SNRPN: variants seen among roughly 807,000 people sequenced by gnomAD.
SNRPN encodes small nuclear ribonucleoprotein polypeptide N, also known as small nuclear ribonucleoprotein-associated protein N.
SNRPN carries 7 observed loss-of-function variants against 25.2 expected under a neutral mutation model. The ratio of observed to expected loss-of-function variants is 0.28; its 90% CI spans 0.16 to 0.52. SNRPN has a LOEUF of 0.52. Among genes scored for constraint, SNRPN ranks in the 20% least tolerant of loss-of-function variants. The probability of loss-of-function intolerance (pLI) is 0.96; values close to 1 mark genes in which losing one functional copy is unlikely to be tolerated. For synonymous variants in SNRPN, 124 were observed against 110.6 expected (o/e 1.12, Z -0.76); for missense variants, 196 against 322.5 (o/e 0.61, Z 3.00).
At chr15:24,972,032 G>C (rs2076474287) in intron 3 of SNRPN, among the ~76,000 whole-genome samples, 1 of 152,078 alleles carries the variant, frequency 6.6e-6, no homozygotes, top group Admixed American at 6.5e-5. Flanking sequence ...GAGGCCGGCA[G>C]GTCACCTGAA....
At chr15:24,826,523 GT>G (rs2050091984) in intron 1 of SNRPN, among the ~76,000 whole-genome samples, 1 of 152,050 alleles carries the variant, frequency 6.6e-6, no homozygotes, top group Admixed American at 6.5e-5. Flanking sequence ...AACCCTGTTA[GT>G]TTTTCTGCAG....
At chr15:24,978,377 T>G (rs2153722914) in intron 9 of SNRPN, 30 bp from the exon 10 acceptor site, 1 of 1,614,034 alleles carries the variant, frequency 6.2e-7, no homozygotes, top group East Asian at 2.2e-5. Flanking sequence ...GTGTATCCTC[T>G]TTTTCTCAAT....
intron 1 of SNRPN, among the ~76,000 whole-genome samples, chr15:24,875,343 T>C (rs1017329693): frequency 2.0e-5 from 3 of 152,222 alleles, no homozygotes; most frequent in Non-Finnish European, 4.4e-5. Flanking sequence ...ACATCAACTA[T>C]GTTAGAATAT....
At chr15:24,967,167 A>G (rs1194609817) in intron 2 of SNRPN, 1 of 152,210 alleles carries the variant, frequency 6.6e-6, no homozygotes, top group Non-Finnish European at 1.5e-5. Context: ...GTGACTATAT[A>G]TGGTACTGAT....
At position 24,955,012 on chromosome 15, in the gene SNRPN, G is replaced by T. The variant is rs749365354; in HGVS notation, c.-441G>T. ...GCAGAGTGGAGCGGCCGCCGGAGAT[G>T]CCTGACGCATCTGTCTGAGGAGCGG... On this transcript the variant is annotated 5_prime_UTR_variant, in exon 1 of 10. An upstream start codon of the reference 5' UTR is lost. Transcript: ENST00000390687. The T allele has an allele frequency of 3.1e-6, 5 of 1,612,142 alleles. No homozygotes were observed. In the South Asian group the frequency reaches 3.3e-5, roughly 11 times the overall value.
intron 2 of SNRPN, among the ~76,000 whole-genome samples, chr15:24,842,624 A>G (rs949006440): frequency 6.6e-6 from 1 of 152,202 alleles, no homozygotes; most frequent in Non-Finnish European, 1.5e-5. Flanking sequence ...CAGGGCAGAG[A>G]GGAACAAACC....
intron 3 of SNRPN, among the ~76,000 whole-genome samples, chr15:24,930,615 G>A (rs999256476): frequency 1.4e-5 from 2 of 138,516 alleles, no homozygotes; most frequent in Admixed American, 1.5e-4. Context: ...AAAAAGTCTG[G>A]GTGCAGTGGC....
intron 2 of SNRPN, among the ~76,000 whole-genome samples, chr15:24,963,864 C>T (rs915743075): frequency 6.6e-6 from 1 of 151,786 alleles, no homozygotes; most frequent in Non-Finnish European, 1.5e-5. Context: ...GAGAGACCTC[C>T]TCTCTACAGA....
intron 1 of SNRPN, among the ~76,000 whole-genome samples, chr15:24,873,128 G>C (rs2055367226): frequency 8.6e-6 from 1 of 116,590 alleles, no homozygotes; most frequent in Non-Finnish European, 1.8e-5. Context: ...ATTTCCATAT[G>C]AATTTTAGAA....
intron 2 of SNRPN, among the ~76,000 whole-genome samples, chr15:24,964,088 G>T (rs1229517687): frequency 1.4e-5 from 2 of 147,338 alleles, no homozygotes; most frequent in South Asian, 2.1e-4. Context: ...TATGGTGAGG[G>T]TAAAGATTTT....
chr15:24,931,866 A>G (rs905587752), intron 3 of SNRPN, among the ~76,000 whole-genome samples: 1 of 143,054 alleles, frequency 7.0e-6, no homozygotes, highest in Admixed American at 7.3e-5. Flanking sequence ...AAAAAAAAAA[A>G]AAGACTTTGC....
intron 2 of SNRPN, among the ~76,000 whole-genome samples, chr15:24,915,508 T>C (rs186845684): frequency 6.6e-6 from 1 of 152,290 alleles, no homozygotes; most frequent in African/African-American, 2.4e-5. Context: ...AGGAGAAGCC[T>C]GAGTAAATTT....
chr15:24,956,001 G>A (rs1204454746), intron 1 of SNRPN, among the ~76,000 whole-genome samples: 4 of 152,190 alleles, frequency 2.6e-5, no homozygotes, highest in Admixed American at 6.5e-5. Flanking sequence ...TGGTCATCTG[G>A]TTTGCCTACT....
At chr15:24,939,438 G>GTATT (rs2061419151) in intron 3 of SNRPN, among the ~76,000 whole-genome samples, 1 of 152,002 alleles carries the variant, frequency 6.6e-6, no homozygotes, top group African/African-American at 2.4e-5. Flanking sequence ...ATATATGTAT[G>GTATT]TATTTATTTA....
intron 1 of SNRPN, among the ~76,000 whole-genome samples, chr15:24,885,689 A>T (rs753935675): frequency 3.3e-5 from 5 of 149,906 alleles, no homozygotes; most frequent in African/African-American, 5.0e-5. Flanking sequence ...GATGAGAACG[A>T]AGGATTTTCC....
chr15:24,878,655 AATTGT>A (rs1219185960), intron 1 of SNRPN, among the ~76,000 whole-genome samples: 17 of 152,276 alleles, frequency 1.1e-4, no homozygotes, highest in South Asian at 8.3e-4. Flanking sequence ...TCCCATGAAA[AATTGT>A]ATTGTATTTC....
intron 2 of SNRPN, among the ~76,000 whole-genome samples, chr15:24,902,865 G>T (rs1170427305): frequency 6.6e-6 from 1 of 152,214 alleles, no homozygotes; most frequent in Non-Finnish European, 1.5e-5. Flanking sequence ...AAGAGCAAAA[G>T]AACAATGCTT....
intron 2 of SNRPN, among the ~76,000 whole-genome samples, chr15:24,844,267 C>T (rs1422551647): frequency 1.3e-5 from 2 of 152,104 alleles, no homozygotes; most frequent in Non-Finnish European, 2.9e-5. Flanking sequence ...CATCTTCCTG[C>T]TGATAATGGC....
chr15:24,959,426 A>G (rs933700268), intron 1 of SNRPN, among the ~76,000 whole-genome samples: 1 of 152,166 alleles, frequency 6.6e-6, no homozygotes, highest in Non-Finnish European at 1.5e-5. Context: ...TGGGAGTTCA[A>G]GCTTGGGTAT....
Sources: gnomAD v4.1 joint callset for allele counts (sites outside exome capture counted in the v4.1 genomes callset) on GRCh38, gnomAD v4.1.1 for gene constraint, MANE v1.5 for transcripts, NCBI Gene and HGNC (gene_info 2026-07-23, HGNC 2026-07-21) for gene names.